The following MYO18B variants were observed in gnomAD, a reference collection of about 807,000 sequenced individuals.
MYO18B encodes the protein myosin XVIIIB, also known as unconventional myosin-XVIIIb.
MYO18B carries 204 observed loss-of-function variants against 273.0 expected under a neutral mutation model. That is an observed-to-expected ratio of 0.75 (90% CI 0.67 to 0.84). MYO18B has a LOEUF of 0.84. Ranked by LOEUF, MYO18B falls within the 40% of genes least tolerant of loss-of-function variation. The probability of loss-of-function intolerance (pLI) is 0.00; values close to 1 mark genes in which losing one functional copy is unlikely to be tolerated. For synonymous variants in MYO18B, 1,330 were observed against 1,305.7 expected (o/e 1.02, Z -0.40); for missense variants, 3,212 against 3,287.6 (o/e 0.98, Z 0.56).
intron 42 of MYO18B, among the ~76,000 whole-genome samples, chr22:26,012,343 C>G (rs555576470): frequency 1.3e-5 from 2 of 152,304 alleles, no homozygotes; most frequent in East Asian, 3.8e-4. Flanking sequence ...CATTTATTTA[C>G]TGGTCTCGGC....
At chr22:25,784,302 G>A (rs529670682) in intron 10 of MYO18B, among the ~76,000 whole-genome samples, 1 of 152,342 alleles carries the variant, frequency 6.6e-6, no homozygotes, top group South Asian at 2.1e-4. Flanking sequence ...AATTTCCAGT[G>A]AATGGAAGAG....
intron 23 of MYO18B, among the ~76,000 whole-genome samples, chr22:25,875,505 T>C (rs377720931): frequency 2.7e-5 from 4 of 150,724 alleles, no homozygotes; most frequent in Non-Finnish European, 5.9e-5. Context: ...GCTGTTCTGG[T>C]CCCCCCCCCA....
At chr22:26,057,702 T>C in the MYO18B span, among the ~76,000 whole-genome samples, 2 of 152,208 alleles carry the variant, frequency 1.3e-5, no homozygotes, top group Non-Finnish European at 2.9e-5. Flanking sequence ...AGTATTGTTG[T>C]TTTGGTCTCA....
At chr22:25,763,050 G>A in intron 2 of MYO18B, 181 bp from the exon 3 acceptor site, 1 of 778,142 alleles carries the variant, frequency 1.3e-6, no homozygotes, top group Middle Eastern at 2.3e-4. Context: ...TTCATGCGCT[G>A]TCTCAGGGAC....
chr22:25,964,312 T>C (rs2092953479), intron 39 of MYO18B: 1 of 152,150 alleles, frequency 6.6e-6, no homozygotes, highest in Non-Finnish European at 1.5e-5. Flanking sequence ...GAGGTAATTG[T>C]CCTTATTTTA....
chr22:26,013,712 TA>T (rs1935090355), intron 42 of MYO18B, among the ~76,000 whole-genome samples: 1 of 152,238 alleles, frequency 6.6e-6, no homozygotes, highest in South Asian at 2.1e-4. Context: ...GCTATTCTAA[TA>T]GGTGTTAGTA....
intron 11 of MYO18B, among the ~76,000 whole-genome samples, chr22:25,788,565 C>T (rs2087499218): frequency 6.6e-6 from 1 of 152,192 alleles, no homozygotes; most frequent in Non-Finnish European, 1.5e-5. Context: ...GTGAGGCCAG[C>T]ATTCTTGCTG....
At chr22:26,018,224 A>G (rs1217529706) in intron 42 of MYO18B, among the ~76,000 whole-genome samples, 1 of 152,152 alleles carries the variant, frequency 6.6e-6, no homozygotes, top group Non-Finnish European at 1.5e-5. Context: ...AACAGCAAGC[A>G]AGCCTTGAGA....
At chr22:26,022,044 CAGA>C (rs372337949) in intron 42 of MYO18B, among the ~76,000 whole-genome samples, 10 of 152,204 alleles carry the variant, frequency 6.6e-5, no homozygotes, top group South Asian at 6.2e-4. Context: ...ACAGGGTGGG[CAGA>C]AGAAGTCTCC....
intron 18 of MYO18B, among the ~76,000 whole-genome samples, 170 bp downstream of exon 18, chr22:25,844,064 C>T (rs2090164163): frequency 6.6e-6 from 1 of 152,262 alleles, no homozygotes; most frequent in African/African-American, 2.4e-5. Context: ...AGTGCAGTGT[C>T]TCCCTGGGGC....
intron 39 of MYO18B, among the ~76,000 whole-genome samples, chr22:25,986,921 C>T (rs1213103869): frequency 6.6e-6 from 1 of 152,134 alleles, no homozygotes; most frequent in Non-Finnish European, 1.5e-5. Context: ...TTTATAATAG[C>T]ATATGTGTGT....
chr22:26,015,507 G>A lies in MYO18B; in HGVS notation c.6470+10652G>A, dbSNP rs546089221. 3.9e-3 allele frequency among the ~76,000 whole-genome samples: 596 copies of A among 152,336 alleles called. 5 individuals carry two copies. Among genetic ancestry groups the A allele is most frequent in the African/African-American group, 0.013 (559 of 41,574 alleles). On this transcript the variant is annotated intron_variant, in intron 42 of 43. Transcript: ENST00000335473. ...GAGATCATGTCCTTTGCAGGGACAT[G>A]AATGGAGCTGGAGGCCATTATCCGT... is the stretch of plus-strand genomic sequence containing the variant.
chr22:26,026,843 G>A lies in MYO18B; in HGVS notation c.6869G>A (p.Arg2290Lys), dbSNP rs770146376. 3.1e-6 allele frequency: 5 copies of A among 1,593,940 alleles called. No individual in the cohort carries two copies. The highest frequency in any genetic ancestry group is 2.7e-5 in the African/African-American group (2 of 73,932). ...CAGACGACTGGGGCCTCCACACTAA[G>A]GAGGGGCAGGGCTGGCAGTGACGAG... ...IYQTTGASTL[R>K]RGRAGSDEGN... The change falls in exon 43 of 44, where the codon AGG (arginine) becomes AAG (lysine). Residue 2290 changes from arginine to lysine, a missense_variant. Transcript: ENST00000335473.
At chr22:25,899,309 G>A (rs1389973334) in intron 29 of MYO18B, 1 of 152,232 alleles carries the variant, frequency 6.6e-6, no homozygotes, top group Non-Finnish European at 1.5e-5. Context: ...TGAGGGGAAA[G>A]GTATACAGGG....
At chr22:25,812,640 G>A (rs1159210012) in intron 12 of MYO18B, among the ~76,000 whole-genome samples, 1 of 152,196 alleles carries the variant, frequency 6.6e-6, no homozygotes, top group Non-Finnish European at 1.5e-5. Flanking sequence ...AGCAAGTTCA[G>A]CCTCCCATGG....
At chr22:25,841,993 A>G (rs1371178408) in intron 17 of MYO18B, among the ~76,000 whole-genome samples, 1 of 152,246 alleles carries the variant, frequency 6.6e-6, no homozygotes, top group Non-Finnish European at 1.5e-5. Flanking sequence ...AAAGCGTCAC[A>G]GGACACTCTT....
chr22:25,868,382 C>A lies in MYO18B; in HGVS notation c.3948C>A (p.Ser1316Arg). 1 of 1,595,116 alleles carries A rather than the reference C, an allele frequency of 6.3e-7. No individual in the cohort carries two copies. The highest frequency in any genetic ancestry group is 8.5e-7 in the Non-Finnish European group (1 of 1,170,638). The change falls in exon 22 of 44, where the codon AGC becomes AGA. Residue 1316 changes from serine to arginine, a missense_variant. By Grantham distance (110) the Ser-to-Arg change is moderately radical. Transcript: ENST00000335473. ...AGAAGGCGGTGGCTGTGGGGCACAG[C>A]CAAGTGAGTAGAGCTGCTTTCTTAC... ...LEKKAVAVGH[S>R]QVFLKAGVIS...
At chr22:25,877,768 A>G (rs2091239494) in intron 24 of MYO18B, among the ~76,000 whole-genome samples, 191 bp from the exon 25 acceptor site, 1 of 152,132 alleles carries the variant, frequency 6.6e-6, no homozygotes. Context: ...GTGCCCAGCC[A>G]AAACCTACTT....
intron 3 of MYO18B, among the ~76,000 whole-genome samples, chr22:25,764,189 T>G (rs2086425411): frequency 6.6e-6 from 1 of 152,262 alleles, no homozygotes; most frequent in Non-Finnish European, 1.5e-5. Flanking sequence ...TGAATAGCGC[T>G]GCTGCATTGA....
Sources: gnomAD v4.1 joint callset for allele counts (sites outside exome capture counted in the v4.1 genomes callset) on GRCh38, gnomAD v4.1.1 for gene constraint, MANE v1.5 for transcripts, NCBI Gene and HGNC (gene_info 2026-07-23, HGNC 2026-07-21) for gene names.